Variants in XKR4 observed in about 807,000 individuals in gnomAD.
The protein encoded by XKR4 is XK-related protein 4.
A neutral mutation model predicts 53.9 loss-of-function variants in XKR4; 12 were observed. That is an observed-to-expected ratio of 0.22 (90% confidence interval 0.14 to 0.36). The LOEUF is 0.36. Ranked by LOEUF, XKR4 falls within the 10% of genes least tolerant of loss-of-function variation. XKR4 has a pLI of 1.00. For synonymous variants in XKR4, 354 were observed against 362.4 expected (o/e 0.98, Z 0.26); for missense variants, 799 against 859.5 (o/e 0.93, Z 0.88).
At chr8:55,322,274 C>A (rs1165247883) in intron 1 of XKR4, among the ~76,000 whole-genome samples, 1 of 152,144 alleles carries the variant, frequency 6.6e-6, no homozygotes, top group East Asian at 1.9e-4. Flanking sequence ...ATCTCATTCA[C>A]GTTCTTATTT....
intron 1 of XKR4, among the ~76,000 whole-genome samples, chr8:55,206,012 G>A (rs1291388742): frequency 6.6e-6 from 1 of 152,186 alleles, no homozygotes; most frequent in Non-Finnish European, 1.5e-5. Flanking sequence ...AGCTCTTAAA[G>A]GTGGCGCGTC....
intron 2 of XKR4, among the ~76,000 whole-genome samples, chr8:55,521,486 A>G (rs1806797341): frequency 6.6e-6 from 1 of 152,190 alleles, no homozygotes; most frequent in Admixed American, 6.5e-5. Flanking sequence ...ACTCCTTTGT[A>G]TACTGGTCTC....
At chr8:55,270,755 G>T (rs1340138443) in intron 1 of XKR4, among the ~76,000 whole-genome samples, 1 of 152,134 alleles carries the variant, frequency 6.6e-6, no homozygotes, top group African/African-American at 2.4e-5. Flanking sequence ...GGTAGCAGAG[G>T]TGCTCCATTT....
chr8:55,354,346 A>T (rs1809114383), intron 1 of XKR4, among the ~76,000 whole-genome samples: 1 of 152,208 alleles, frequency 6.6e-6, no homozygotes, highest in African/African-American at 2.4e-5. Flanking sequence ...AATCCCATTA[A>T]CTAAGAAACT....
intron 1 of XKR4, among the ~76,000 whole-genome samples, chr8:55,190,199 G>A (rs1050658419): frequency 1.3e-5 from 2 of 152,212 alleles, no homozygotes; most frequent in East Asian, 3.8e-4. Flanking sequence ...GGGAGCAGAA[G>A]TGGGGCTGGA....
At chr8:55,449,654 G>T (rs573414602) in intron 2 of XKR4, 2 of 935,350 alleles carry the variant, frequency 2.1e-6, no homozygotes, top group South Asian at 1.3e-5. Flanking sequence ...ACCCATGGTG[G>T]CCATGCCAGG....
chr8:55,427,759 C>T (rs1243051959), intron 2 of XKR4, among the ~76,000 whole-genome samples: 1 of 152,212 alleles, frequency 6.6e-6, no homozygotes, highest in African/African-American at 2.4e-5. Flanking sequence ...CAGTGTCTAG[C>T]TACTTAATGG....
intron 2 of XKR4, among the ~76,000 whole-genome samples, chr8:55,398,418 A>C (rs924603579): frequency 6.6e-6 from 1 of 152,202 alleles, no homozygotes; most frequent in Non-Finnish European, 1.5e-5. Flanking sequence ...TTATATATTT[A>C]TGAATTTCTA....
intron 1 of XKR4, among the ~76,000 whole-genome samples, chr8:55,329,346 C>T (rs1006405985): frequency 9.2e-5 from 14 of 151,930 alleles, no homozygotes; most frequent in African/African-American, 2.4e-4. Context: ...AACACAAATT[C>T]GTAAACTTTC....
At chr8:55,304,156 A>G (rs1585999326) in intron 1 of XKR4, among the ~76,000 whole-genome samples, 1 of 152,126 alleles carries the variant, frequency 6.6e-6, no homozygotes, top group African/African-American at 2.4e-5. Flanking sequence ...ATTTCCCTCT[A>G]CACACTGCTT....
intron 2 of XKR4, among the ~76,000 whole-genome samples, chr8:55,381,808 G>A (rs944891366): frequency 6.6e-6 from 1 of 152,148 alleles, no homozygotes; most frequent in Non-Finnish European, 1.5e-5. Context: ...TCGCACTGTA[G>A]CATCATTTCA....
intron 2 of XKR4, among the ~76,000 whole-genome samples, chr8:55,462,340 A>G (rs528830716): frequency 6.6e-6 from 1 of 152,222 alleles, no homozygotes; most frequent in Admixed American, 6.5e-5. Flanking sequence ...AAAGAAAAGA[A>G]TTTTCAACCC....
chr8:55,175,649 A>G (rs1156691247), intron 1 of XKR4, among the ~76,000 whole-genome samples: 1 of 152,210 alleles, frequency 6.6e-6, no homozygotes, highest in Non-Finnish European at 1.5e-5. Context: ...GGCCAGTGTC[A>G]TGGAAATAGA....
chr8:55,508,714 G>T (rs1227714159), intron 2 of XKR4, among the ~76,000 whole-genome samples: 2 of 152,232 alleles, frequency 1.3e-5, no homozygotes, highest in Non-Finnish European at 2.9e-5. Flanking sequence ...GGGCTAGTCT[G>T]GGGCAACCCA....
At chr8:55,297,765 C>T (rs1819121635) in intron 1 of XKR4, among the ~76,000 whole-genome samples, 1 of 152,332 alleles carries the variant, frequency 6.6e-6, no homozygotes, top group Admixed American at 6.5e-5. Context: ...AGGTACTTTA[C>T]TCCCAGATCC....
chr8:55,443,706 T>C (rs1393986684), intron 2 of XKR4, among the ~76,000 whole-genome samples: 1 of 150,502 alleles, frequency 6.6e-6, no homozygotes, highest in Non-Finnish European at 1.5e-5. Context: ...CCGGGCATGG[T>C]GGCCTGTGCC....
intron 1 of XKR4, among the ~76,000 whole-genome samples, chr8:55,105,940 A>T (rs527332297): frequency 6.6e-6 from 1 of 152,282 alleles, no homozygotes; most frequent in East Asian, 1.9e-4. Context: ...AGTGCAACTC[A>T]TCTCAGATTT....
In XKR4 at chr8:55,523,321, C is replaced by T; in HGVS notation, c.1047C>T (p.Ala349=). The T allele has an allele frequency of 6.2e-7, 1 of 1,613,804 alleles. No individual in the cohort carries two copies. ...AAASLVSLAW[A]LASYQKALRD... is the part of the protein sequence containing the mutation. Reference sequence around the variant, plus strand: ...CTTCCCTCGTGTCCCTGGCCTGGGCCTTGGCCTCCTACCAGAAGGCCCTCC... The same window carrying T: ...CTTCCCTCGTGTCCCTGGCCTGGGCTTTGGCCTCCTACCAGAAGGCCCTCC... The change falls in exon 3 of 3, where the codon GCC becomes GCT. Residue 349 remains alanine, a synonymous_variant. Coordinates refer to ENST00000327381, the MANE Select transcript of XKR4 (RefSeq NM_052898.2).
chr8:55,361,237 TC>T (rs1803901266), intron 2 of XKR4, among the ~76,000 whole-genome samples: 1 of 151,748 alleles, frequency 6.6e-6, no homozygotes, highest in Non-Finnish European at 1.5e-5. Flanking sequence ...CCAATCCCAA[TC>T]CCTTATCCTC....
Sources: gnomAD v4.1 joint callset for allele counts (sites outside exome capture counted in the v4.1 genomes callset) on GRCh38, gnomAD v4.1.1 for gene constraint, MANE v1.5 for transcripts, NCBI Gene and HGNC (gene_info 2026-07-23, HGNC 2026-07-21) for gene names.